Variants in CCDC149 observed in about 807,000 individuals in gnomAD.
CCDC149 encodes the protein coiled-coil domain-containing protein 149.
Under a neutral mutation model 59.9 loss-of-function variants are expected in CCDC149, and 45 were observed. The observed-to-expected ratio is 0.75, with a 90% CI of 0.59 to 0.96. CCDC149 has a LOEUF of 0.96. Ranked by LOEUF, CCDC149 falls within the 40% of genes least tolerant of loss-of-function variation. CCDC149 has a pLI of 0.00. For missense variants in CCDC149, 584 were observed against 664.7 expected (o/e 0.88, Z 1.33); for synonymous variants, 245 against 260.6 (o/e 0.94, Z 0.58).
chr4:24,974,614 G>C (rs1724094712), intron 1 of CCDC149, among the ~76,000 whole-genome samples: 1 of 152,148 alleles, frequency 6.6e-6, no homozygotes, highest in African/African-American at 2.4e-5. Context: ...TAGTCTTTGA[G>C]CTTCTTAAAG....
chr4:24,804,800 T>G (rs1228338212), downstream of CCDC149, among the ~76,000 whole-genome samples: 1 of 152,100 alleles, frequency 6.6e-6, no homozygotes, highest in Non-Finnish European at 1.5e-5. Flanking sequence ...TTTCTAGCAC[T>G]TTGCATCGTG....
intron 12 of CCDC149, among the ~76,000 whole-genome samples, chr4:24,816,218 T>A (rs1463137549): frequency 6.6e-6 from 1 of 152,024 alleles, no homozygotes. Context: ...CTTCCGAGTA[T>A]CTGGGACTAC....
chr4:24,937,735 C>G (rs1388386584), intron 1 of CCDC149, among the ~76,000 whole-genome samples: 1 of 152,184 alleles, frequency 6.6e-6, no homozygotes, highest in Non-Finnish European at 1.5e-5. Flanking sequence ...CACTTCTATT[C>G]ACACCTATTG....
intron 1 of CCDC149, among the ~76,000 whole-genome samples, chr4:24,912,482 A>G (rs1721931072): frequency 6.6e-6 from 1 of 152,026 alleles, no homozygotes; most frequent in African/African-American, 2.4e-5. Flanking sequence ...TGGCTCCACA[A>G]CAGTGGCGAG....
upstream of CCDC149, among the ~76,000 whole-genome samples, chr4:24,914,072 T>G (rs533071217): frequency 6.6e-6 from 1 of 152,304 alleles, no homozygotes; most frequent in East Asian, 1.9e-4. Context: ...TTTATAATTT[T>G]TAGCCCCTGT....
rs1018748404 is a variant in CCDC149, at chr4:24,842,192, T to C, written c.373-3920A>G. On this transcript the variant is annotated intron_variant, in intron 4 of 12. Coordinates refer to ENST00000635206, the MANE Select transcript of CCDC149 (RefSeq NM_001330643.2). ...AGTAAGAAAAGATGGGACTTCTCTT[T>C]GATACTTAGCACAGGCCCTGGAGCA... Among the ~76,000 whole-genome samples, 10 of 152,194 alleles carry C rather than the reference T, an allele frequency of 6.6e-5. 1 individual carries two copies. Among genetic ancestry groups the C allele is most frequent in the Non-Finnish European group, 1.2e-4 (8 of 68,038 alleles).
At chr4:24,961,103 G>A (rs2160088) in intron 1 of CCDC149, among the ~76,000 whole-genome samples, 26,576 of 152,010 alleles carry the variant, frequency 0.17, 3,131 homozygotes, top group African/African-American at 0.32. Flanking sequence ...AAACTAGACC[G>A]TATTTTGGTC....
chr4:24,899,312 G>A (rs768059611), intron 1 of CCDC149, among the ~76,000 whole-genome samples: 9 of 152,256 alleles, frequency 5.9e-5, no homozygotes, highest in South Asian at 2.1e-4. Context: ...CCATTGAGGC[G>A]GGATGGAAGC....
chr4:24,843,790 A>G (rs1717086532), intron 4 of CCDC149, among the ~76,000 whole-genome samples: 1 of 152,082 alleles, frequency 6.6e-6, no homozygotes, highest in Non-Finnish European at 1.5e-5. Flanking sequence ...CCCAAGTGGC[A>G]CTTCACAGCA....
chr4:24,822,819 G>T (rs934792540), intron 9 of CCDC149: 131 of 316,672 alleles, frequency 4.1e-4, no homozygotes, highest in African/African-American at 2.7e-3. Flanking sequence ...CTCCCAAAAG[G>T]TAGTTTTCCT....
chr4:24,952,384 G>A (rs1459093405), intron 1 of CCDC149, among the ~76,000 whole-genome samples: 1 of 151,512 alleles, frequency 6.6e-6, no homozygotes, highest in Non-Finnish European at 1.5e-5. Context: ...TTGAGGTCGG[G>A]AGTTCAAGAC....
intron 3 of CCDC149, among the ~76,000 whole-genome samples, chr4:24,864,538 C>T (rs1560224653): frequency 1.3e-5 from 2 of 152,130 alleles, no homozygotes; most frequent in Non-Finnish European, 2.9e-5. Flanking sequence ...CCCCTACCTG[C>T]CAAATTATCC....
At chr4:24,874,997 C>T (rs1453884270) in intron 2 of CCDC149, among the ~76,000 whole-genome samples, 6 of 152,156 alleles carry the variant, frequency 3.9e-5, no homozygotes, top group African/African-American at 1.4e-4. Context: ...CCGTGTATTA[C>T]CATGCAACTG....
Position 24,934,579 on chromosome 4 carries a change from G to A in CCDC149, c.-64-39461C>T, listed in dbSNP as rs1044804959. ...GCCCAGACTCAAGGGTGGAGATATG[G>A]ACTCCACTTTCTAATGGCAGAATTA... On this transcript the variant is annotated intron_variant, in intron 1 of 12. Transcript: ENST00000389609. Among the ~76,000 whole-genome samples, 11 of 152,198 alleles carry A rather than the reference G, an allele frequency of 7.2e-5. No homozygotes were observed. The East Asian group carries it at 2.1e-3, about 29-fold the overall frequency.
At chr4:24,970,666 T>C (rs1723940621) in intron 1 of CCDC149, among the ~76,000 whole-genome samples, 1 of 152,134 alleles carries the variant, frequency 6.6e-6, no homozygotes, top group Non-Finnish European at 1.5e-5. Flanking sequence ...TTGTGCCCCC[T>C]GGCAGTCTAT....
chr4:24,858,284 C>G (rs1234118787), intron 3 of CCDC149, among the ~76,000 whole-genome samples: 2 of 152,202 alleles, frequency 1.3e-5, no homozygotes, highest in Non-Finnish European at 2.9e-5. Context: ...AAGTGGCAGC[C>G]TGCCTAAGAC....
intron 1 of CCDC149, among the ~76,000 whole-genome samples, chr4:24,892,666 T>A (rs534103606): frequency 6.6e-6 from 1 of 152,310 alleles, no homozygotes; most frequent in African/African-American, 2.4e-5. Context: ...AGGTAGGTAC[T>A]ATGAGGATCC....
chr4:24,818,555 G>A (rs571143105), intron 12 of CCDC149, among the ~76,000 whole-genome samples: 2 of 152,184 alleles, frequency 1.3e-5, no homozygotes, highest in African/African-American at 4.8e-5. Context: ...TCTGGCTAAC[G>A]GTCTCTCATG....
At chr4:24,959,119 G>A (rs1381545305) in intron 1 of CCDC149, among the ~76,000 whole-genome samples, 2 of 151,272 alleles carry the variant, frequency 1.3e-5, no homozygotes, top group African/African-American at 2.4e-5. Context: ...GACTACAGGC[G>A]TGTGCCACCA....
Sources: allele counts gnomAD v4.1 joint callset (sites outside exome capture counted in the v4.1 genomes callset), GRCh38; gene constraint gnomAD v4.1.1; transcripts MANE v1.5; gene names NCBI Gene and HGNC (gene_info 2026-07-23, HGNC 2026-07-21).